Variants in CNBD2 observed in about 807,000 individuals in gnomAD.
The protein encoded by CNBD2 is cyclic nucleotide binding domain containing 2, also known as cyclic nucleotide-binding domain-containing protein 2.
A neutral mutation model predicts 63.7 loss-of-function variants in CNBD2; 64 were observed. The observed-to-expected ratio is 1.00, with a 90% CI of 0.82 to 1.24. The LOEUF (loss-of-function observed/expected upper bound fraction) is 1.24. Ranked by LOEUF, CNBD2 falls within the 50% of genes most tolerant of loss-of-function variation. CNBD2 has a pLI of 0.00. For missense variants in CNBD2, 691 were observed against 713.5 expected, an observed-to-expected ratio of 0.97 and a Z score of 0.36; for synonymous variants, 229 against 255.4, an observed-to-expected ratio of 0.90 and a Z score of 0.99.
intron 2 of CNBD2, chr20:35,973,877 C>A (rs2056460440): frequency 6.6e-6 from 1 of 152,204 alleles, no homozygotes; most frequent in Non-Finnish European, 1.5e-5. Context: ...CTCAGGGCTT[C>A]AAAGTTTCCC....
At chr20:35,954,515 G>C, upstream of CNBD2, 1 of 1,530,880 alleles carries the variant, frequency 6.5e-7, no homozygotes, top group Non-Finnish European at 8.8e-7. Flanking sequence ...CCAGGTCGGC[G>C]CGCGAGCACC....
intron 4 of CNBD2, among the ~76,000 whole-genome samples, chr20:35,982,537 C>A (rs553642112): frequency 6.6e-6 from 1 of 152,306 alleles, no homozygotes; most frequent in South Asian, 2.1e-4. Flanking sequence ...ATCTCTTTGT[C>A]CACCTGGATG....
At chr20:35,976,053 G>C (rs749109544) in intron 3 of CNBD2, 51 bp downstream of exon 3, 16 of 1,511,014 alleles carry the variant, frequency 1.1e-5, no homozygotes, top group Non-Finnish European at 1.5e-5. Context: ...CTGCACCCTG[G>C]CTTGGAAGAA....
intron 7 of CNBD2, among the ~76,000 whole-genome samples, chr20:35,990,681 T>G (rs1462541199): frequency 6.6e-6 from 1 of 151,802 alleles, no homozygotes; most frequent in Non-Finnish European, 1.5e-5. Context: ...CTGGGTACAG[T>G]GGCTCACGCC....
intron 1 of CNBD2, among the ~76,000 whole-genome samples, chr20:35,970,944 C>T (rs1315822209): frequency 6.8e-6 from 1 of 147,634 alleles, no homozygotes; most frequent in Non-Finnish European, 1.5e-5. Context: ...GCATTTTTTT[C>T]TTTTTCTTTT....
At position 36,008,294 on chromosome 20, in the gene CNBD2, CAG is replaced by C. The variant is rs1264739906; in HGVS notation, c.971-1_971del. ...GTATCTTTTCCTGTGCTTTCTCTAACAGAATACTCTCCTATGGAAAGATTTAA... is the reference window on the plus strand; with the variant it reads ...GTATCTTTTCCTGTGCTTTCTCTAACAATACTCTCCTATGGAAAGATTTAA... On this transcript the variant is annotated splice_acceptor_variant, in intron 8 of 11. Transcript: ENST00000373973. LOFTEE classifies it high-confidence loss of function. 6.2e-7 allele frequency: 1 copy of C among 1,602,016 alleles called. No homozygotes were observed. Among genetic ancestry groups the C allele is most frequent in the African/African-American group, 1.4e-5 (1 of 73,964 alleles).
At chr20:35,998,044 T>C (rs555815300) in intron 8 of CNBD2, among the ~76,000 whole-genome samples, 30 of 146,058 alleles carry the variant, frequency 2.1e-4, no homozygotes, top group African/African-American at 7.0e-4. Flanking sequence ...CTTTTTCTTT[T>C]TTTTTTTTTT....
rs910439651 is a variant in CNBD2, at chr20:36,030,375, G to A, written c.1458G>A (p.Gln486=). ...IAFPSDEDMC[Q]KFLQQNSWNI... The stretch of plus-strand genomic sequence containing the variant: ...CCTTTAGTGATGAAGATATGTGCCA[G>A]AAGTTCCTCCAGCAGAACAGCTGGA... Residue 486 remains glutamine, a synonymous_variant, in exon 12 of 12, where the codon CAG becomes CAA. Transcript: ENST00000373973. 5.0e-6 allele frequency: 8 copies of A among 1,614,010 alleles called. No homozygotes were observed. Among genetic ancestry groups the A allele is most frequent in the Non-Finnish European group, 6.8e-6 (8 of 1,180,032 alleles).
At chr20:35,975,505 T>TTAG (rs1344834766) in intron 2 of CNBD2, among the ~76,000 whole-genome samples, 1 of 139,580 alleles carries the variant, frequency 7.2e-6, no homozygotes, top group African/African-American at 2.7e-5. Flanking sequence ...TTTCACCTTG[T>TTAG]TAGCCAGGAT....
At chr20:36,016,177 C>T (rs1199432155) in intron 10 of CNBD2, among the ~76,000 whole-genome samples, 1 of 152,160 alleles carries the variant, frequency 6.6e-6, no homozygotes, top group Non-Finnish European at 1.5e-5. Context: ...CCACAAAATA[C>T]TCAATGAGTA....
At chr20:36,002,761 A>G (rs2056931743) in intron 8 of CNBD2, among the ~76,000 whole-genome samples, 1 of 151,936 alleles carries the variant, frequency 6.6e-6, no homozygotes, top group Non-Finnish European at 1.5e-5. Context: ...AGGTTCATTT[A>G]GTTTCTGGGA....
At chr20:36,017,719 C>T (rs62213166) in intron 10 of CNBD2, among the ~76,000 whole-genome samples, 2 of 152,166 alleles carry the variant, frequency 1.3e-5, no homozygotes, top group African/African-American at 2.4e-5. Context: ...GCCAGTGTTC[C>T]GTTAATTATT....
intron 1 of CNBD2, among the ~76,000 whole-genome samples, chr20:35,970,562 A>T (rs1235727574): frequency 6.6e-6 from 1 of 151,762 alleles, no homozygotes; most frequent in Non-Finnish European, 1.5e-5. Flanking sequence ...ACGCCCGGCT[A>T]ATTTTTGTTT....
intron 8 of CNBD2, among the ~76,000 whole-genome samples, chr20:36,003,352 A>G (rs2056942628): frequency 6.6e-6 from 1 of 152,122 alleles, no homozygotes; most frequent in African/African-American, 2.4e-5. Flanking sequence ...AGAAAATGTG[A>G]ATTTTGAGTA....
In CNBD2 at chr20:35,980,481, T is replaced by G. The variant is rs149351198; in HGVS notation, c.266T>G (p.Ile89Ser). Residue 89 changes from isoleucine (I) to serine (S), a missense_variant, in exon 4 of 12, where the codon ATT becomes AGT. Transcript: ENST00000373973. ...AEEGHFPPKA[I>S]QIMQKKPSWR... The stretch of plus-strand genomic sequence containing the variant: ...CAGGGTCACTTTCCTCCAAAGGCCA[T>G]TCAGATCATGCAGAAGAAGCCTTCC... The G allele has an allele frequency of 6.8e-6, 11 of 1,614,042 alleles. No individual in the cohort carries two copies. The African/African-American group carries it at 1.2e-4, about 18-fold the overall frequency.
downstream of CNBD2, among the ~76,000 whole-genome samples, chr20:35,956,909 C>G (rs1014527966): frequency 6.6e-6 from 1 of 152,092 alleles, no homozygotes; most frequent in Non-Finnish European, 1.5e-5. Context: ...AAACTGCAGG[C>G]TATATGGGAA....
chr20:35,960,898 C>T (rs925423402), intron 2 of CNBD2, among the ~76,000 whole-genome samples: 66 of 150,550 alleles, frequency 4.4e-4, no homozygotes, highest in African/African-American at 1.5e-3. Flanking sequence ...TCTCCCCTCC[C>T]CTCCCCTTTT....
At chr20:35,997,954 A>G (rs755087434) in intron 8 of CNBD2, among the ~76,000 whole-genome samples, 3 of 151,450 alleles carry the variant, frequency 2.0e-5, no homozygotes, top group Non-Finnish European at 4.4e-5. Flanking sequence ...TCTTTGACCC[A>G]TGGAATATTT....
chr20:35,972,814 T>C (rs1335159482), intron 2 of CNBD2, 48 bp downstream of exon 2: 15 of 1,586,286 alleles, frequency 9.5e-6, no homozygotes, highest in Non-Finnish European at 1.2e-5. Context: ...AGAAGCCCAA[T>C]AAATTGCATC....
Sources: gnomAD v4.1 joint callset for allele counts (sites outside exome capture counted in the v4.1 genomes callset) on GRCh38, gnomAD v4.1.1 for gene constraint, MANE v1.5 for transcripts, NCBI Gene and HGNC (gene_info 2026-07-23, HGNC 2026-07-21) for gene names.